The following SLC22A2 variants were observed in gnomAD, a reference collection of about 807,000 sequenced individuals.
SLC22A2 encodes solute carrier family 22 member 2, also known as organic cation transporter 2.
In SLC22A2, 46 loss-of-function variants were observed where a neutral mutation model predicts 60.5. That is an observed-to-expected ratio of 0.76 (90% confidence interval 0.60 to 0.97). The LOEUF is 0.97. Ranked by LOEUF, SLC22A2 falls within the 50% of genes least tolerant of loss-of-function variation. The pLI, the probability that SLC22A2 is intolerant of heterozygous loss-of-function variation, is 0.00. For synonymous variants in SLC22A2, 303 were observed against 267.0 expected (o/e 1.13, Z -1.31); for missense variants, 701 against 706.6 (o/e 0.99, Z 0.09).
intron 4 of SLC22A2, among the ~76,000 whole-genome samples, chr6:160,247,506 C>T (rs947285556): frequency 1.3e-5 from 2 of 152,204 alleles, no homozygotes; most frequent in Admixed American, 6.5e-5. Flanking sequence ...AGGAAGCAAG[C>T]TGCAAAGCAG....
At chr6:160,236,820 C>T (rs1400494413) in intron 9 of SLC22A2, among the ~76,000 whole-genome samples, 1 of 126,378 alleles carries the variant, frequency 7.9e-6, no homozygotes, top group Non-Finnish European at 1.7e-5. Context: ...ATTTACTCAA[C>T]TTATTGGTAT....
chr6:160,256,789 A>G (rs758629976), intron 1 of SLC22A2, 72 bp from the exon 2 acceptor site: 52 of 982,466 alleles, frequency 5.3e-5, no homozygotes, highest in East Asian at 3.1e-4. Context: ...CCTGTTGGAC[A>G]TAACTCAGCT....
intron 9 of SLC22A2, among the ~76,000 whole-genome samples, chr6:160,232,672 C>T (rs547859407): frequency 6.6e-6 from 1 of 152,004 alleles, no homozygotes; most frequent in African/African-American, 2.4e-5. Context: ...TCGCTCAGGA[C>T]AATGCTTATG....
chr6:160,243,222 G>C (rs1458465726), intron 7 of SLC22A2, among the ~76,000 whole-genome samples: 2 of 152,126 alleles, frequency 1.3e-5, no homozygotes, highest in African/African-American at 4.8e-5. Flanking sequence ...TTGATGCAGG[G>C]AGGTCAAGAG....
intron 9 of SLC22A2, among the ~76,000 whole-genome samples, chr6:160,233,830 A>C (rs1269549582): frequency 6.6e-6 from 1 of 151,468 alleles, no homozygotes; most frequent in African/African-American, 2.4e-5. Flanking sequence ...ATCACTCATC[A>C]TCTCTCCATA....
In SLC22A2 at chr6:160,249,321, G is replaced by A. The variant is rs1387263975; in HGVS notation, c.737C>T (p.Thr246Ile). 1 of 1,613,308 alleles carries A rather than the reference G, an allele frequency of 6.2e-7. No homozygotes were observed. The highest frequency in any genetic ancestry group is 8.5e-7 in the Non-Finnish European group (1 of 1,179,418). Reference protein sequence around the residue: ...TVGIFYQVAYTVGLLVLAGVA... With the variant: ...TVGIFYQVAYIVGLLVLAGVA... ...CCCAGCTAGCACCAGGAGCCCAACT[G>A]TATAGGCAACTTGGTAAAAAATCCC... The change falls in exon 4 of 11, where the codon ACA (threonine) becomes ATA (isoleucine). Residue 246 changes from threonine to isoleucine, a missense_variant. Coordinates refer to ENST00000366953, the MANE Select transcript of SLC22A2 (RefSeq NM_003058.4).
chr6:160,257,705 C>T (rs984261091), intron 1 of SLC22A2: 2 of 152,076 alleles, frequency 1.3e-5, no homozygotes, highest in African/African-American at 4.8e-5. Flanking sequence ...ACTTAATTCC[C>T]CTATTTTGCT....
At chr6:160,222,616 T>G (rs911740750) in intron 10 of SLC22A2, among the ~76,000 whole-genome samples, 1 of 152,108 alleles carries the variant, frequency 6.6e-6, no homozygotes, top group African/African-American at 2.4e-5. Context: ...CCCATGTGTG[T>G]GGGAAGCTGC....
chr6:160,225,204 A>T (rs1435169428), intron 9 of SLC22A2, among the ~76,000 whole-genome samples: 1 of 152,246 alleles, frequency 6.6e-6, no homozygotes, highest in Non-Finnish European at 1.5e-5. Context: ...AGCAAATAAA[A>T]GTAATGAATT....
At chr6:160,257,109 C>G (rs921444357) in intron 1 of SLC22A2, among the ~76,000 whole-genome samples, 1 of 152,198 alleles carries the variant, frequency 6.6e-6, no homozygotes, top group Non-Finnish European at 1.5e-5. Context: ...TTCCATCTGG[C>G]AATTTGTCAT....
In SLC22A2 at chr6:160,241,392, C is replaced by T; in HGVS notation, c.1501+82G>A. 7 of 835,400 alleles carry T rather than the reference C, an allele frequency of 8.4e-6. No individual in the cohort carries two copies. In the Admixed American group the frequency reaches 1.3e-4, roughly 16 times the overall value. 51.7% of individuals were successfully genotyped at this position (835,400 alleles called of 1,614,324 possible). ...TAGTAGTTACTAATAGGCATGACAC[C>T]TGTTTTGAATGAAGTAGAAGAGAAG... On this transcript the variant is annotated intron_variant, in intron 9 of 10. Coordinates refer to ENST00000366953, the MANE Select transcript of SLC22A2 (RefSeq NM_003058.4).
chr6:160,248,979 T>C (rs1334872762), intron 4 of SLC22A2, among the ~76,000 whole-genome samples: 1 of 152,182 alleles, frequency 6.6e-6, no homozygotes, highest in Admixed American at 6.5e-5. Flanking sequence ...AATGTGGAAA[T>C]GTAAGATCCA....
At chr6:160,224,894 T>C (rs1274416407) in intron 9 of SLC22A2, 90 bp from the exon 10 acceptor site, 1 of 663,554 alleles carries the variant, frequency 1.5e-6, no homozygotes, top group Non-Finnish European at 2.4e-6. Context: ...TAAAACTTTT[T>C]TTTAGCATTT....
chr6:160,245,562 A>G lies in SLC22A2; in HGVS notation c.958-17T>C, dbSNP rs1027751826. ...TCTCAGGCGCTAAGAAAAGGAATAG[A>G]AAGGACGGCTTTGTATATTTAATGC... is the stretch of plus-strand genomic sequence containing the variant. On this transcript the variant is annotated splice_polypyrimidine_tract_variant and intron_variant, in intron 5 of 10. Coordinates refer to ENST00000366953, the MANE Select transcript of SLC22A2 (RefSeq NM_003058.4). The G allele has an allele frequency of 6.6e-7, 1 of 1,524,302 alleles. No individual in the cohort carries two copies. The highest frequency in any genetic ancestry group is 1.4e-5 in the African/African-American group (1 of 73,042). 94.4% of individuals were successfully genotyped at this position (1,524,302 alleles called of 1,614,324 possible).
chr6:160,258,785 T>C lies in SLC22A2; in HGVS notation c.-28A>G. The C allele has an allele frequency of 6.6e-7, 1 of 1,512,460 alleles. No homozygotes were observed. Among genetic ancestry groups the C allele is most frequent in the Non-Finnish European group, 8.8e-7 (1 of 1,131,234 alleles). 93.7% of individuals were successfully genotyped at this position (1,512,460 alleles called of 1,614,324 possible). ...TCCTGCAGGCAGGAGGGCCCGAGGCTGCCCGACGTGCCCGGAGCGAGGCTG... is the reference window on the plus strand; with the variant it reads ...TCCTGCAGGCAGGAGGGCCCGAGGCCGCCCGACGTGCCCGGAGCGAGGCTG... On this transcript the variant is annotated 5_prime_UTR_variant, in exon 1 of 11. Transcript: ENST00000366953.
At chr6:160,256,788 C>T (rs1783279694) in intron 1 of SLC22A2, 71 bp from the exon 2 acceptor site, 2 of 980,288 alleles carry the variant, frequency 2.0e-6, no homozygotes, top group Non-Finnish European at 3.3e-6. Flanking sequence ...TCCTGTTGGA[C>T]ATAACTCAGC....
intron 5 of SLC22A2, among the ~76,000 whole-genome samples, chr6:160,246,453 T>C (rs1001350641): frequency 2.0e-5 from 3 of 152,018 alleles, no homozygotes; most frequent in African/African-American, 7.2e-5. Flanking sequence ...GGGGATTGCT[T>C]AAAAGCTTTT....
chr6:160,257,453 C>T (rs1334328344), intron 1 of SLC22A2, among the ~76,000 whole-genome samples: 2 of 152,056 alleles, frequency 1.3e-5, no homozygotes, highest in African/African-American at 4.8e-5. Context: ...AAAACCTTCT[C>T]TGCTTGGGGC....
At chr6:160,243,430 G>T in intron 7 of SLC22A2, 142 bp downstream of exon 7, 1 of 677,076 alleles carries the variant, frequency 1.5e-6, no homozygotes, top group Non-Finnish European at 2.6e-6. Context: ...AATTTGCTCA[G>T]AAGGGTCCCA....
Sources: gnomAD v4.1 joint callset for allele counts (sites outside exome capture counted in the v4.1 genomes callset) on GRCh38, gnomAD v4.1.1 for gene constraint, MANE v1.5 for transcripts, NCBI Gene and HGNC (gene_info 2026-07-23, HGNC 2026-07-21) for gene names.